The following HTR1F variants were observed in gnomAD, a reference collection of about 807,000 sequenced individuals.
The protein encoded by HTR1F is 5-hydroxytryptamine receptor 1F, also known as 5-hydroxytryptamine (serotonin) receptor 1F, G protein-coupled.
A neutral mutation model predicts 24.0 loss-of-function variants in HTR1F; 17 were observed. The observed-to-expected ratio is 0.71, with a 90% CI of 0.48 to 1.06. The LOEUF (loss-of-function observed/expected upper bound fraction) is 1.06. Ranked by LOEUF, HTR1F falls within the 50% of genes least tolerant of loss-of-function variation. HTR1F has a pLI of 0.00. For synonymous variants in HTR1F, 186 were observed against 156.8 expected (o/e 1.19, Z -1.39); for missense variants, 391 against 427.8 (o/e 0.91, Z 0.76).
At chr3:87,989,291 G>T (rs1443294158) in intron 2 of HTR1F, among the ~76,000 whole-genome samples, 1 of 152,170 alleles carries the variant, frequency 6.6e-6, no homozygotes, top group African/African-American at 2.4e-5. Context: ...CATTACAATG[G>T]TGACTTATAC....
At chr3:87,967,049 G>A (rs746158323) in intron 2 of HTR1F, among the ~76,000 whole-genome samples, 8 of 152,050 alleles carry the variant, frequency 5.3e-5, no homozygotes, top group Admixed American at 2.0e-4. Context: ...GTTCTACTAC[G>A]TACAATGAAA....
At chr3:87,902,661 A>G (rs891431404) in intron 2 of HTR1F, among the ~76,000 whole-genome samples, 3 of 151,406 alleles carry the variant, frequency 2.0e-5, no homozygotes, top group Non-Finnish European at 4.4e-5. Context: ...GGTTAGTTAC[A>G]TATGTATACA....
At chr3:87,818,198 C>T (rs1704286091) in intron 1 of HTR1F, among the ~76,000 whole-genome samples, 1 of 152,010 alleles carries the variant, frequency 6.6e-6, no homozygotes, top group Admixed American at 6.6e-5. Flanking sequence ...TAAATACATC[C>T]ATATATATGA....
At chr3:87,908,758 C>T (rs993045282) in intron 2 of HTR1F, among the ~76,000 whole-genome samples, 24 of 151,954 alleles carry the variant, frequency 1.6e-4, no homozygotes, top group African/African-American at 5.8e-4. Flanking sequence ...ATTTGTGAAT[C>T]TTTAAGACTT....
At chr3:87,948,123 A>C (rs1290059828) in intron 2 of HTR1F, among the ~76,000 whole-genome samples, 1 of 152,216 alleles carries the variant, frequency 6.6e-6, no homozygotes, top group African/African-American at 2.4e-5. Context: ...ATAGAAAAGT[A>C]AAGTAAAATA....
chr3:87,891,839 C>T (rs1195683750), intron 2 of HTR1F, among the ~76,000 whole-genome samples: 3 of 152,110 alleles, frequency 2.0e-5, no homozygotes, highest in East Asian at 3.9e-4. Context: ...TAATTATTTC[C>T]GTGAATTTTT....
intron 2 of HTR1F, among the ~76,000 whole-genome samples, chr3:87,856,782 G>A (rs1705207933): frequency 6.6e-6 from 1 of 152,014 alleles, no homozygotes; most frequent in African/African-American, 2.4e-5. Flanking sequence ...GACAAATCTT[G>A]TATTACAGAA....
chr3:87,986,798 A>G (rs1048939575), intron 2 of HTR1F, among the ~76,000 whole-genome samples: 8 of 152,180 alleles, frequency 5.3e-5, no homozygotes, highest in Non-Finnish European at 1.0e-4. Flanking sequence ...ATGAATTCCC[A>G]TAACACTAAA....
In HTR1F at chr3:87,821,514, T is replaced by C. The variant is rs1373382980; in HGVS notation, c.-159-494T>C. Among the ~76,000 whole-genome samples, 4 of 152,212 alleles carry C rather than the reference T, an allele frequency of 2.6e-5. No homozygotes were observed. The East Asian group carries it at 7.7e-4, about 29-fold the overall frequency. ...AATGTTCGTGATGTTGATATTGTGA[T>C]GTCCCTTACTTTCTAGATATATTTC... On this transcript the variant is annotated intron_variant, in intron 1 of 2. Transcript: ENST00000319595.
At chr3:87,915,724 C>A (rs1302045287) in intron 2 of HTR1F, among the ~76,000 whole-genome samples, 2 of 151,994 alleles carry the variant, frequency 1.3e-5, no homozygotes, top group East Asian at 3.9e-4. Context: ...ACAATCAAAC[C>A]TAAGAATAAT....
intron 2 of HTR1F, among the ~76,000 whole-genome samples, chr3:87,828,136 G>A (rs1261935047): frequency 7.9e-5 from 12 of 152,112 alleles, no homozygotes; most frequent in African/African-American, 1.7e-4. Flanking sequence ...TTATAAGATC[G>A]TTTTATAAAT....
chr3:87,810,161 A>C (rs2932271), intron 1 of HTR1F, among the ~76,000 whole-genome samples: 20,229 of 151,970 alleles, frequency 0.13, 4,179 homozygotes, highest in African/African-American at 0.45. Context: ...ATGTTTATTC[A>C]ATTTAAACTT....
At chr3:87,972,565 T>C (rs1705307455) in intron 2 of HTR1F, among the ~76,000 whole-genome samples, 1 of 152,220 alleles carries the variant, frequency 6.6e-6, no homozygotes, top group African/African-American at 2.4e-5. Context: ...GTGGGCTATC[T>C]CATGATACCT....
intron 2 of HTR1F, among the ~76,000 whole-genome samples, chr3:87,901,657 G>A (rs1206316060): frequency 1.3e-5 from 2 of 151,802 alleles, no homozygotes; most frequent in African/African-American, 2.4e-5. Flanking sequence ...GCGATTATGT[G>A]TTAGATATAA....
chr3:87,913,066 A>T (rs939378627), intron 2 of HTR1F, among the ~76,000 whole-genome samples: 2 of 152,158 alleles, frequency 1.3e-5, no homozygotes, highest in Non-Finnish European at 2.9e-5. Flanking sequence ...AACAACTGCA[A>T]CAAAAGCAAA....
At chr3:87,916,427 T>C (rs1703896747) in intron 2 of HTR1F, among the ~76,000 whole-genome samples, 1 of 151,142 alleles carries the variant, frequency 6.6e-6, no homozygotes, top group Non-Finnish European at 1.5e-5. Context: ...TCTTAAAAGA[T>C]ACAGAACTTC....
chr3:87,795,615 G>T (rs1286404820), intron 1 of HTR1F, among the ~76,000 whole-genome samples: 3 of 152,086 alleles, frequency 2.0e-5, no homozygotes, highest in Non-Finnish European at 4.4e-5. Context: ...GAAACCCCTA[G>T]GGAAACATAT....
chr3:87,926,735 C>G (rs926992440), intron 2 of HTR1F, among the ~76,000 whole-genome samples: 1 of 152,048 alleles, frequency 6.6e-6, no homozygotes, highest in Non-Finnish European at 1.5e-5. Context: ...TTTATTGTCA[C>G]TATACTCACT....
chr3:87,816,342 G>C (rs563818288), intron 1 of HTR1F, among the ~76,000 whole-genome samples: 3 of 152,002 alleles, frequency 2.0e-5, no homozygotes, highest in Admixed American at 6.5e-5. Flanking sequence ...CATTCTTTCT[G>C]TGTTTTATAG....
Sources: allele counts gnomAD v4.1 joint callset (sites outside exome capture counted in the v4.1 genomes callset), GRCh38; gene constraint gnomAD v4.1.1; transcripts MANE v1.5; gene names NCBI Gene and HGNC (gene_info 2026-07-23, HGNC 2026-07-21).